ASCL5: variants seen among roughly 807,000 people sequenced by gnomAD.
The protein encoded by ASCL5 is achaete-scute family bHLH transcription factor 5.
For missense variants in ASCL5, 262 were observed against 268.9 expected, an observed-to-expected ratio of 0.97 and a Z score of 0.18; for synonymous variants, 124 against 131.5, an observed-to-expected ratio of 0.94 and a Z score of 0.39.
In ASCL5 at chr1:201,114,871, G is replaced by T. The variant is rs946865761; in HGVS notation, c.502C>A (p.Arg168Ser). ...TCGCCGTCGCCAGGGCGGTCGGGACGGGGGGTGGCGGGCGGCGCGGGGCAG... is the reference window on the plus strand; with the variant it reads ...TCGCCGTCGCCAGGGCGGTCGGGACTGGGGGTGGCGGGCGGCGCGGGGCAG... ...GPCPAPPATPRPDRPGDGEAR... is the reference protein window; with the variant it reads ...GPCPAPPATPSPDRPGDGEAR... Residue 168 changes from arginine (R) to serine (S), a missense_variant, in exon 2 of 2, where the codon CGT becomes AGT. Coordinates refer to ENST00000449188, the MANE Select transcript of ASCL5 (RefSeq NM_001270601.2). 8.1e-6 allele frequency: 10 copies of T among 1,227,908 alleles called. No homozygotes were observed. Among genetic ancestry groups the T allele is most frequent in the East Asian group, 3.2e-5 (1 of 31,502 alleles). 76.1% of individuals were successfully genotyped at this position (1,227,908 alleles called of 1,614,324 possible). A position where few individuals can be genotyped will look rare whatever the true frequency, so the allele number is the denominator to read the frequency against.
chr1:201,126,195 G>A (rs1452096813), intron 1 of ASCL5, among the ~76,000 whole-genome samples: 1 of 151,934 alleles, frequency 6.6e-6, no homozygotes, highest in Non-Finnish European at 1.5e-5. Flanking sequence ...GAGAGCAGTG[G>A]GACGATCATA....
chr1:201,114,685 C>T lies in ASCL5; in HGVS notation c.*67G>A. The T allele has an allele frequency of 1.6e-6, 2 of 1,218,626 alleles. No individual in the cohort carries two copies. The highest frequency in any genetic ancestry group is 2.0e-6 in the Non-Finnish European group (2 of 977,324). The allele number at this position is 1,218,626 out of a possible 1,614,324, so 75.5% of individuals were successfully genotyped here. A position where few individuals can be genotyped will look rare whatever the true frequency, so the allele number is the denominator to read the frequency against. On this transcript the variant is annotated 3_prime_UTR_variant, in exon 2 of 2. Transcript: ENST00000449188. The stretch of plus-strand genomic sequence containing the variant: ...CATCGCGGGTGACCCAACAGCCTCC[C>T]GCTGCTCCCGAAAGTGGGACGGGGC...
At chr1:201,119,648 T>A (rs1663411140) in intron 1 of ASCL5, among the ~76,000 whole-genome samples, 2 of 152,230 alleles carry the variant, frequency 1.3e-5, no homozygotes, top group African/African-American at 4.8e-5. Flanking sequence ...ACTTAAACTT[T>A]CACTATGTAC....
intron 1 of ASCL5, among the ~76,000 whole-genome samples, chr1:201,123,666 C>T (rs1322294218): frequency 6.6e-6 from 1 of 152,110 alleles, no homozygotes. Flanking sequence ...TTTCTTAGCC[C>T]AGAAGAATAA....
intron 1 of ASCL5, among the ~76,000 whole-genome samples, chr1:201,122,964 C>G (rs1333419476): frequency 6.6e-6 from 1 of 152,140 alleles, no homozygotes; most frequent in African/African-American, 2.4e-5. Context: ...ATGTGAGCCA[C>G]GTGGCACCTA....
At chr1:201,126,424 C>T (rs1414775926) in intron 1 of ASCL5, among the ~76,000 whole-genome samples, 1 of 152,156 alleles carries the variant, frequency 6.6e-6, no homozygotes, top group South Asian at 2.1e-4. Context: ...ACTTTCTATT[C>T]CCATTTTACA....
At chr1:201,125,530 C>G (rs527578032) in intron 1 of ASCL5, among the ~76,000 whole-genome samples, 41 of 152,264 alleles carry the variant, frequency 2.7e-4, no homozygotes, top group African/African-American at 9.9e-4. Flanking sequence ...AGCTTTACTA[C>G]CCTCTCCTGT....
intron 1 of ASCL5, among the ~76,000 whole-genome samples, chr1:201,119,155 G>A (rs1185160224): frequency 6.6e-6 from 1 of 152,238 alleles, no homozygotes; most frequent in Non-Finnish European, 1.5e-5. Context: ...CTTCTGCTAA[G>A]AGAAGAACTA....
chr1:201,122,625 G>A (rs1001777462), intron 1 of ASCL5, among the ~76,000 whole-genome samples: 1 of 152,108 alleles, frequency 6.6e-6, no homozygotes, highest in Non-Finnish European at 1.5e-5. Context: ...GCCGGGCAGC[G>A]GTCCCCACCT....
chr1:201,114,994 C>A lies in ASCL5; in HGVS notation c.379G>T (p.Ala127Ser), dbSNP rs1663307506. The A allele has an allele frequency of 8.1e-7, 1 of 1,231,572 alleles. No homozygotes were observed. 76.3% of individuals were successfully genotyped at this position (1,231,572 alleles called of 1,614,324 possible). The change falls in exon 2 of 2, where the codon GCC becomes TCC. Residue 127 changes from alanine (A) to serine (S), a missense_variant. Physicochemically the swap from Ala to Ser is moderately conservative, Grantham distance 99. Transcript: ENST00000449188. ...AGGTACTTTATGTAGCGGATGGCGGCGCGCAGCGTCTCCACCTTGCTGAGT... is the reference window on the plus strand; with the variant it reads ...AGGTACTTTATGTAGCGGATGGCGGAGCGCAGCGTCTCCACCTTGCTGAGT... The part of the protein sequence containing the change: ...KRLSKVETLR[A>S]AIRYIKYLQE...
intron 1 of ASCL5, among the ~76,000 whole-genome samples, chr1:201,125,454 C>A (rs1377107827): frequency 6.6e-6 from 1 of 152,212 alleles, no homozygotes; most frequent in African/African-American, 2.4e-5. Flanking sequence ...GGAGAATTAG[C>A]CCCTTGCCTT....
In ASCL5 at chr1:201,115,299, A is replaced by G. The variant is rs1194785623; in HGVS notation, c.74T>C (p.Val25Ala). 2 of 1,227,248 alleles carry G rather than the reference A, an allele frequency of 1.6e-6. No homozygotes were observed. Among genetic ancestry groups the G allele is most frequent in the African/African-American group, 1.6e-5 (1 of 64,230 alleles). The allele number at this position is 1,227,248 out of a possible 1,614,324, so 76.0% of individuals were successfully genotyped here. ...LGPPSCMQLG[V>A]MPPPRQAPLP... is the part of the protein sequence containing the mutation. ...GGGCGCCTGCCGGGGAGGGGGCATG[A>G]CGCCCAGCTGCATGCAGCTGGGGGG... The change falls in exon 2 of 2, where the codon GTC (valine) becomes GCC (alanine). Residue 25 changes from valine (V) to alanine (A), a missense_variant. Coordinates refer to ENST00000449188, the MANE Select transcript of ASCL5 (RefSeq NM_001270601.2).
chr1:201,121,735 G>GT lies in ASCL5; in HGVS notation c.-506+5348dup, dbSNP rs1420666497. On this transcript the variant is annotated intron_variant, in intron 1 of 1. Coordinates refer to ENST00000449188, the MANE Select transcript of ASCL5 (RefSeq NM_001270601.2). ...AGTCCCGGCTACTCAGGAGGCTGAG[G>GT]TGGGAGGATCAGTTGAGCTCAGGAG... is the stretch of plus-strand genomic sequence containing the variant. Among the ~76,000 whole-genome samples, 46 of 152,166 alleles carry GT rather than the reference G, an allele frequency of 3.0e-4. 1 individual carries two copies. The highest frequency in any genetic ancestry group is 1.1e-3 in the African/African-American group (45 of 41,510).
intron 1 of ASCL5, among the ~76,000 whole-genome samples, chr1:201,122,522 A>T (rs1229371138): frequency 6.6e-6 from 1 of 152,172 alleles, no homozygotes; most frequent in East Asian, 1.9e-4. Flanking sequence ...ACAAAAGAGG[A>T]AACAGGCTCA....
chr1:201,123,665 C>T (rs1663523429), intron 1 of ASCL5, among the ~76,000 whole-genome samples: 1 of 152,048 alleles, frequency 6.6e-6, no homozygotes, highest in Non-Finnish European at 1.5e-5. Context: ...CTTTCTTAGC[C>T]CAGAAGAATA....
At chr1:201,125,717 C>T (rs997815883) in intron 1 of ASCL5, among the ~76,000 whole-genome samples, 12 of 152,140 alleles carry the variant, frequency 7.9e-5, no homozygotes, top group African/African-American at 2.2e-4. Flanking sequence ...CTGTATCCTG[C>T]GGGCCCAGCC....
chr1:201,124,634 A>T (rs897371725), intron 1 of ASCL5, among the ~76,000 whole-genome samples: 1 of 152,236 alleles, frequency 6.6e-6, no homozygotes, highest in Non-Finnish European at 1.5e-5. Context: ...TCTGCAGATC[A>T]TATTAATAGA....
At position 201,126,835 on chromosome 1, in the gene ASCL5, C is replaced by T. The variant is rs571554202; in HGVS notation, c.-506+249G>A. ...CGACGAGCAAGTCCATGGGAAAATG[C>T]CCGCTCAGTGGCAATGTCCTTGGCA... On this transcript the variant is annotated intron_variant, in intron 1 of 1. Transcript: ENST00000449188. 5.9e-5 allele frequency among the ~76,000 whole-genome samples: 9 copies of T among 152,374 alleles called. No homozygotes were observed. In the South Asian group the frequency reaches 1.0e-3, roughly 18 times the overall value.
Position 201,115,414 on chromosome 1 carries a change from A to G in ASCL5, c.-42T>C. 2 of 1,230,764 alleles carry G rather than the reference A, an allele frequency of 1.6e-6. No homozygotes were observed. The highest frequency in any genetic ancestry group is 1.0e-6 in the Non-Finnish European group (1 of 987,194). 76.2% of individuals were successfully genotyped at this position (1,230,764 alleles called of 1,614,324 possible). A position where few individuals can be genotyped will look rare whatever the true frequency, so the allele number is the denominator to read the frequency against. On this transcript the variant is annotated 5_prime_UTR_variant, in exon 2 of 2. Transcript: ENST00000449188. ...GGACCCAGAGCGAGGCCTCCACCGA[A>G]TGGCCCCGGCTTGGGGTCTGCACCG...
Sources: allele counts gnomAD v4.1 joint callset (sites outside exome capture counted in the v4.1 genomes callset), GRCh38; gene constraint gnomAD v4.1.1; transcripts MANE v1.5; gene names NCBI Gene and HGNC (gene_info 2026-07-23, HGNC 2026-07-21).